The following GPHN variants were observed in gnomAD, a reference collection of about 807,000 sequenced individuals.
GPHN encodes the protein gephyrin.
GPHN carries 17 observed loss-of-function variants against 95.5 expected under a neutral mutation model. That is an observed-to-expected ratio of 0.18 (90% CI 0.12 to 0.27). GPHN has a LOEUF of 0.27. GPHN is among the 10% of genes least tolerant of loss of function. GPHN has a pLI of 1.00. For missense variants in GPHN, 660 were observed against 978.1 expected, an observed-to-expected ratio of 0.67 and a Z score of 4.34; for synonymous variants, 320 against 322.5, an observed-to-expected ratio of 0.99 and a Z score of 0.08.
At chr14:67,035,535 A>G (rs746539071) in intron 10 of GPHN, among the ~76,000 whole-genome samples, 9 of 151,592 alleles carry the variant, frequency 5.9e-5, no homozygotes, top group African/African-American at 9.7e-5. Flanking sequence ...AATCAGAAAT[A>G]AAAGGAGACA....
the GPHN span, among the ~76,000 whole-genome samples, chr14:67,474,366 A>T: frequency 2.0e-5 from 3 of 151,916 alleles, no homozygotes; most frequent in Non-Finnish European, 4.4e-5. Flanking sequence ...TGTACTCCCT[A>T]GAGCTTTTTT....
intron 18 of GPHN, among the ~76,000 whole-genome samples, chr14:67,155,245 A>G (rs1415736215): frequency 6.6e-6 from 1 of 152,218 alleles, no homozygotes; most frequent in Non-Finnish European, 1.5e-5. Flanking sequence ...TTCAGCATCA[A>G]ACTATCTCAA....
chr14:67,683,028 G>A, the GPHN span, among the ~76,000 whole-genome samples: 1 of 152,168 alleles, frequency 6.6e-6, no homozygotes, highest in Admixed American at 6.5e-5. Flanking sequence ...TCCAGTAAAG[G>A]CAAATTCTTA....
At chr14:67,722,093 T>C in the GPHN span, among the ~76,000 whole-genome samples, 1 of 152,204 alleles carries the variant, frequency 6.6e-6, no homozygotes, top group Admixed American at 6.5e-5. Context: ...CTCCAGGAGT[T>C]CCAGTCATCT....
the GPHN span, among the ~76,000 whole-genome samples, chr14:67,286,742 T>C: frequency 6.6e-6 from 1 of 150,546 alleles, no homozygotes. Flanking sequence ...ACTGTGGTCT[T>C]AGCTACTTGG....
the GPHN span, chr14:67,587,236 A>G: frequency 1.2e-6 from 2 of 1,613,620 alleles, no homozygotes; most frequent in Non-Finnish European, 8.5e-7. Context: ...GTTGCTGTGA[A>G]TATTTCTCCT....
the GPHN span, chr14:67,571,691 AG>A: frequency 6.4e-7 from 1 of 1,561,416 alleles, no homozygotes. Context: ...TGCAAGCTGC[AG>A]GGTTGGGAGA....
chr14:66,529,983 G>A (rs1475586408), intron 1 of GPHN, among the ~76,000 whole-genome samples: 2 of 152,166 alleles, frequency 1.3e-5, no homozygotes, highest in Non-Finnish European at 2.9e-5. Context: ...CTGTGCTGGG[G>A]GATCTGCTCC....
At chr14:66,961,495 G>C (rs1469554090) in intron 8 of GPHN, among the ~76,000 whole-genome samples, 1 of 151,754 alleles carries the variant, frequency 6.6e-6, no homozygotes, top group Non-Finnish European at 1.5e-5. Flanking sequence ...AGTAGGAATA[G>C]ATATTCACAC....
intron 8 of GPHN, among the ~76,000 whole-genome samples, chr14:66,944,318 G>A (rs2067610505): frequency 6.6e-6 from 1 of 152,114 alleles, no homozygotes; most frequent in African/African-American, 2.4e-5. Context: ...AACTGGAAAG[G>A]ACTCATTGAA....
At chr14:66,763,161 A>G (rs1248488181) in intron 2 of GPHN, among the ~76,000 whole-genome samples, 1 of 152,020 alleles carries the variant, frequency 6.6e-6, no homozygotes, top group African/African-American at 2.4e-5. Flanking sequence ...GTTCAAAAAT[A>G]TTTAGAGAAA....
At chr14:66,908,547 G>A (rs150037897) in intron 5 of GPHN, among the ~76,000 whole-genome samples, 1 of 152,138 alleles carries the variant, frequency 6.6e-6, no homozygotes, top group African/African-American at 2.4e-5. Flanking sequence ...CACCCTCAAG[G>A]AAGGGGCACA....
At chr14:67,508,128 T>G in the GPHN span, among the ~76,000 whole-genome samples, 1 of 99,866 alleles carries the variant, frequency 1.0e-5, no homozygotes, top group Non-Finnish European at 2.1e-5. Context: ...AGAGCTAAAC[T>G]CCATCTCAAA....
intron 1 of GPHN, among the ~76,000 whole-genome samples, chr14:66,676,672 A>ATTTTTTT (rs56906168): frequency 7.9e-6 from 1 of 126,068 alleles, no homozygotes; most frequent in Admixed American, 8.1e-5. Flanking sequence ...ATCGTAGTGT[A>ATTTTTTT]TTTTTTTTTT....
At chr14:67,348,055 G>A in the GPHN span, among the ~76,000 whole-genome samples, 2 of 151,712 alleles carry the variant, frequency 1.3e-5, no homozygotes, top group Non-Finnish European at 2.9e-5. Flanking sequence ...TGGGACAACA[G>A]GCACATGCCA....
intron 2 of GPHN, among the ~76,000 whole-genome samples, chr14:66,752,270 T>G (rs1249399983): frequency 1.3e-5 from 2 of 152,160 alleles, no homozygotes; most frequent in African/African-American, 4.8e-5. Flanking sequence ...GTAGCACTTT[T>G]AATTTTTTTC....
the GPHN span, among the ~76,000 whole-genome samples, chr14:67,719,788 GTTTA>G: frequency 1.2e-4 from 18 of 152,098 alleles, no homozygotes; most frequent in East Asian, 2.1e-3. Context: ...AAAATTTAAT[GTTTA>G]TTTACTTAAG....
At chr14:66,864,753 A>G (rs2063164376) in intron 4 of GPHN, among the ~76,000 whole-genome samples, 2 of 151,254 alleles carry the variant, frequency 1.3e-5, no homozygotes. Context: ...AGTCTGGGCA[A>G]CAGAGCGAGA....
intron 2 of GPHN, among the ~76,000 whole-genome samples, chr14:66,724,674 A>G (rs2071062877): frequency 6.6e-6 from 1 of 152,172 alleles, no homozygotes; most frequent in Non-Finnish European, 1.5e-5. Flanking sequence ...TCTGCTTCAG[A>G]GGAATGCCAT....
Sources: allele counts gnomAD v4.1 joint callset (sites outside exome capture counted in the v4.1 genomes callset), GRCh38; gene constraint gnomAD v4.1.1; transcripts MANE v1.5; gene names NCBI Gene and HGNC (gene_info 2026-07-23, HGNC 2026-07-21).